The following MAPK15 variants were observed in gnomAD, a reference collection of about 807,000 sequenced individuals.
MAPK15 encodes ERK-7.
In MAPK15, 61 loss-of-function variants were observed where a neutral mutation model predicts 60.8. That is an observed-to-expected ratio of 1.00 (90% confidence interval 0.82 to 1.24). MAPK15 has a LOEUF of 1.24. Among genes scored for constraint, MAPK15 ranks in the 50% most tolerant of loss-of-function variants. The pLI is 0.00. For missense variants in MAPK15, 808 were observed against 741.1 expected (o/e 1.09, Z -1.05); for synonymous variants, 356 against 319.9 (o/e 1.11, Z -1.21).
In MAPK15 at chr8:143,718,242, C is replaced by T; in HGVS notation, c.226C>T (p.Leu76Phe). 1 of 1,614,204 alleles carries T rather than the reference C, an allele frequency of 6.2e-7. No homozygotes were observed. Among genetic ancestry groups the T allele is most frequent in the Non-Finnish European group, 8.5e-7 (1 of 1,180,038 alleles). Residue 76 changes from leucine (L) to phenylalanine (F), a missense_variant, in exon 4 of 14, where the codon CTC becomes TTC. By Grantham distance (22) the Leu-to-Phe change is conservative (BLOSUM62 0). Transcript: ENST00000338033. ...EFGDHPNIISLLDVIRAENDR... is the reference protein window; with the variant it reads ...EFGDHPNIISFLDVIRAENDR... The stretch of plus-strand genomic sequence containing the variant: ...TGGGGACCATCCCAACATCATCAGC[C>T]TCCTTGACGTGATCCGGGCAGAGAA...
Position 143,720,110 on chromosome 8 carries a change from G to A in MAPK15, c.722-120G>A. The stretch of plus-strand genomic sequence containing the variant: ...TGGGGTGTTTGAGCCCCGCCAGACA[G>A]CAGAAACCCTGTAGAGAGGCTGTGC... On this transcript the variant is annotated intron_variant, in intron 7 of 13. Transcript: ENST00000338033. The surrounding 1 kb of genome is among the most constrained non-coding windows in gnomAD (Gnocchi z 4.6). The A allele has an allele frequency of 2.1e-6, 3 of 1,438,322 alleles. No individual in the cohort carries two copies. Among genetic ancestry groups the A allele is most frequent in the Admixed American group, 2.1e-5 (1 of 48,406 alleles). The allele number at this position is 1,438,322 out of a possible 1,614,324, so 89.1% of individuals were successfully genotyped here. A position where few individuals can be genotyped will look rare whatever the true frequency, so the allele number is the denominator to read the frequency against.
At position 143,721,254 on chromosome 8, in the gene MAPK15, C is replaced by A. The variant is rs782192249; in HGVS notation, c.1047C>A (p.Ser349Arg). Residue 349 changes from serine to arginine, a missense_variant, in exon 11 of 14, where the codon AGC becomes AGA. Transcript: ENST00000338033. ...VYQMILECGG[S>R]SGTSREKGPE... ...AGATGATCCTGGAGTGTGGAGGCAG[C>A]AGCGGCACCTCGAGAGAGAAGGGCC... 2 of 1,611,884 alleles carry A rather than the reference C, an allele frequency of 1.2e-6. No individual in the cohort carries two copies. The highest frequency in any genetic ancestry group is 2.2e-5 in the South Asian group (2 of 90,732).
At position 143,720,965 on chromosome 8, in the gene MAPK15, C is replaced by T. The variant is rs371283750; in HGVS notation, c.918-35C>T. On this transcript the variant is annotated intron_variant, in intron 9 of 13. Coordinates refer to ENST00000338033, the MANE Select transcript of MAPK15 (RefSeq NM_139021.3). This position sits in a 1 kb window ranked among gnomAD's most constrained non-coding sequence, Gnocchi z 4.6. ...TGACGGCTTGAGGGGCTCCCTTGGC[C>T]GCAGCCCGGGCCCCACCTCCCTGGC... 89 of 1,586,512 alleles carry T rather than the reference C, an allele frequency of 5.6e-5. No individual in the cohort carries two copies. Among genetic ancestry groups the T allele is most frequent in the African/African-American group, 8.1e-5 (6 of 74,358 alleles).
In MAPK15 at chr8:143,718,849, C is replaced by A; in HGVS notation, c.361C>A (p.Leu121Ile). ...DVHVRSIFYQLLRATRFLHSG... is the reference protein window; with the variant it reads ...DVHVRSIFYQILRATRFLHSG... ...CCACGTGCGCTCCATCTTCTACCAGCTCCTGCGGGCCACCCGGTTCCTCCA... is the reference window on the plus strand; with the variant it reads ...CCACGTGCGCTCCATCTTCTACCAGATCCTGCGGGCCACCCGGTTCCTCCA... The change falls in exon 5 of 14, where the codon CTC (leucine) becomes ATC (isoleucine). Residue 121 changes from leucine to isoleucine, a missense_variant. By Grantham distance (5) the Leu-to-Ile change is conservative. Transcript: ENST00000338033. 1 of 1,612,344 alleles carries A rather than the reference C, an allele frequency of 6.2e-7. No homozygotes were observed.
intron 4 of MAPK15, 48 bp from the exon 5 acceptor site, chr8:143,718,727 G>GGCCCCCCCCCCC: frequency 7.8e-6 from 4 of 514,494 alleles, no homozygotes; most frequent in South Asian, 4.1e-5. Flanking sequence ...CCCCCAGGTT[G>GGCCCCCCCCCCC]CCCCCCCAGC....
At chr8:143,716,986 G>C (rs901505163) in intron 1 of MAPK15, among the ~76,000 whole-genome samples, 5 of 152,156 alleles carry the variant, frequency 3.3e-5, no homozygotes, top group Admixed American at 3.3e-4. Flanking sequence ...GGGAGGAAGA[G>C]CCTTCCAGGC....
In MAPK15 at chr8:143,717,774, G is replaced by T; in HGVS notation, c.147G>T (p.Arg49Ser). 6.2e-7 allele frequency: 1 copy of T among 1,611,584 alleles called. No individual in the cohort carries two copies. The highest frequency in any genetic ancestry group is 8.5e-7 in the Non-Finnish European group (1 of 1,179,150). The change falls in exon 2 of 14, where the codon AGG becomes AGT. Residue 49 changes from arginine (R) to serine (S), a missense_variant. Physicochemically the swap from Arg to Ser is moderately radical, Grantham distance 110 (BLOSUM62 -1). Coordinates refer to ENST00000338033, the MANE Select transcript of MAPK15 (RefSeq NM_139021.3). ...TCAAGAAAATCTTTGATGCTTTTAGGGATAAGACAGATGCCCAGGTGAGTG... is the reference window on the plus strand; with the variant it reads ...TCAAGAAAATCTTTGATGCTTTTAGTGATAAGACAGATGCCCAGGTGAGTG... ...VAIKKIFDAF[R>S]DKTDAQRTFR... is the part of the protein sequence containing the mutation.
chr8:143,717,273 T>A (rs922981984), intron 1 of MAPK15, among the ~76,000 whole-genome samples: 3 of 152,028 alleles, frequency 2.0e-5, no homozygotes, highest in Non-Finnish European at 4.4e-5. Flanking sequence ...CAGCGAGAGA[T>A]GCCAGAGGCT....
intron 4 of MAPK15, chr8:143,718,503 C>T: frequency 1.5e-6 from 1 of 647,236 alleles, no homozygotes; most frequent in Non-Finnish European, 2.7e-6. Context: ...TTTCGTCCCA[C>T]CTGCCCCAGG....
Position 143,720,861 on chromosome 8 carries a change from C to T in MAPK15, c.917+21C>T, listed in dbSNP as rs782683452. 4.4e-6 allele frequency: 7 copies of T among 1,607,610 alleles called. No individual in the cohort carries two copies. The highest frequency in any genetic ancestry group is 5.9e-6 in the Non-Finnish European group (7 of 1,178,048). On this transcript the variant is annotated intron_variant, in intron 9 of 13. Transcript: ENST00000338033. This position sits in a 1 kb window ranked among gnomAD's most constrained non-coding sequence, Gnocchi z 4.6. The stretch of plus-strand genomic sequence containing the variant: ...CAGAGGTGGGGGTGGGAGAGAGTCC[C>T]CCAAGTGCGGGGGGACAGAGGTGGG...
intron 6 of MAPK15, 59 bp from the exon 7 acceptor site, chr8:143,719,284 A>T (rs782477798): frequency 2.6e-4 from 386 of 1,492,566 alleles, no homozygotes; most frequent in Admixed American, 4.5e-4. Flanking sequence ...ACCCCCCAGC[A>T]ACCCCACCCC....
intron 7 of MAPK15, among the ~76,000 whole-genome samples, chr8:143,719,885 G>C (rs1554619347): frequency 6.6e-6 from 1 of 152,102 alleles, no homozygotes; most frequent in Non-Finnish European, 1.5e-5. Flanking sequence ...GAGGGGCCAT[G>C]GGGGTCACTC....
intron 7 of MAPK15, among the ~76,000 whole-genome samples, chr8:143,719,726 G>A (rs1458807859): frequency 1.3e-5 from 2 of 152,176 alleles, no homozygotes; most frequent in African/African-American, 2.4e-5. Context: ...AGCAGTGACC[G>A]TGAAGGGGCC....
intron 4 of MAPK15, 31 bp from the exon 5 acceptor site, chr8:143,718,744 C>CCCCCCCCCCCCCCCCG: frequency 6.9e-7 from 1 of 1,455,842 alleles, no homozygotes. Flanking sequence ...CAGCCCCCCA[C>CCCCCCCCCCCCCCCCG]CCCCGACTGC....
Position 143,719,343 on chromosome 8 carries a change from A to G in MAPK15, c.582A>G (p.Arg194=). The G allele has an allele frequency of 6.3e-7, 1 of 1,599,824 alleles. No individual in the cohort carries two copies. Among genetic ancestry groups the G allele is most frequent in the Admixed American group, 1.7e-5 (1 of 58,470 alleles). The part of the protein sequence containing the change: ...RAPEVLLSSH[R]YTLGVDMWSL... ...ATGCCTACACCGCTTCCTGCCCCAG[A>G]TACACCCTTGGGGTGGACATGTGGA... The change falls in exon 7 of 14, where the codon CGA becomes CGG. Residue 194 remains arginine (R), a splice_region_variant and synonymous_variant. Transcript: ENST00000338033.
chr8:143,719,360 A>T lies in MAPK15; in HGVS notation c.599A>T (p.Asp200Val). 6.2e-7 allele frequency: 1 copy of T among 1,608,466 alleles called. No homozygotes were observed. ...LSSHRYTLGV[D>V]MWSLGCILGE... is the part of the protein sequence containing the mutation. ...TGCCCCAGATACACCCTTGGGGTGG[A>T]CATGTGGAGTCTGGGCTGTATCCTG... Residue 200 changes from aspartate to valine, a missense_variant, in exon 7 of 14, where the codon GAC becomes GTC. Coordinates refer to ENST00000338033, the MANE Select transcript of MAPK15 (RefSeq NM_139021.3).
rs782239626 is a variant in MAPK15 at position 143,718,895 on chromosome 8, G to C, written c.407G>C (p.Arg136Pro). 1.1e-5 allele frequency: 17 copies of C among 1,606,054 alleles called. No individual in the cohort carries two copies. The Middle Eastern group carries it at 6.6e-4, about 62-fold the overall frequency. ...RFLHSGHVVHRDQKPSNVLLD... is the reference protein window; with the variant it reads ...RFLHSGHVVHPDQKPSNVLLD... Reference sequence around the variant, plus strand: ...CTCCACTCGGGGCACGTTGTGCACCGGGACCAGAAGGTGCGGTTCCCCCGC... The same window carrying C: ...CTCCACTCGGGGCACGTTGTGCACCCGGACCAGAAGGTGCGGTTCCCCCGC... Residue 136 changes from arginine (R) to proline (P), a missense_variant, in exon 5 of 14, where the codon CGG becomes CCG. Arg to Pro is a moderately radical substitution (Grantham distance 103). Transcript: ENST00000338033.
At chr8:143,721,997 T>C (rs1298955281) in intron 13 of MAPK15, 78 bp from the exon 14 acceptor site, 1 of 1,527,166 alleles carries the variant, frequency 6.5e-7, no homozygotes, top group African/African-American at 1.4e-5. Context: ...CCAGTTCAAA[T>C]CTCTCGAGGA....
Position 143,718,492 on chromosome 8 carries a change from C to T in MAPK15, c.286+190C>T, listed in dbSNP as rs558447185. The T allele has an allele frequency of 9.1e-6, 6 of 659,416 alleles. No homozygotes were observed. In the South Asian group the frequency reaches 1.1e-4, roughly 12 times the overall value. The allele number at this position is 659,416 out of a possible 1,614,324, so 40.8% of individuals were successfully genotyped here. ...CAGCCTCCAGAGCCAGCAGCGACCC[C>T]TTTCGTCCCACCTGCCCCAGGCTCC... is the stretch of plus-strand genomic sequence containing the variant. On this transcript the variant is annotated intron_variant, in intron 4 of 13. Transcript: ENST00000338033.
Sources: allele counts gnomAD v4.1 joint callset (sites outside exome capture counted in the v4.1 genomes callset), GRCh38; gene constraint gnomAD v4.1.1; non-coding constraint Gnocchi (gnomAD v3.1); transcripts MANE v1.5; gene names NCBI Gene and HGNC (gene_info 2026-07-23, HGNC 2026-07-21).